The following UQCRC2 variants were observed in gnomAD, a reference collection of about 807,000 sequenced individuals.
The protein encoded by UQCRC2 is ubiquinol-cytochrome c reductase core protein 2, also known as cytochrome b-c1 complex subunit 2, mitochondrial.
Under a neutral mutation model 55.6 loss-of-function variants are expected in UQCRC2, and 49 were observed. The ratio of observed to expected loss-of-function variants is 0.88; its 90% CI spans 0.70 to 1.12. The LOEUF (loss-of-function observed/expected upper bound fraction) is 1.12. UQCRC2 is among the 50% of genes most tolerant of loss of function. The pLI is 0.00. For synonymous variants in UQCRC2, 193 were observed against 192.0 expected, an observed-to-expected ratio of 1.01 and a Z score of -0.04; for missense variants, 506 against 547.8, an observed-to-expected ratio of 0.92 and a Z score of 0.76.
intron 13 of UQCRC2, 86 bp downstream of exon 13, chr16:21,980,786 G>A (rs1346899636): frequency 2.6e-6 from 4 of 1,509,528 alleles, no homozygotes; most frequent in Non-Finnish European, 3.6e-6. Context: ...GCGTCCTTGG[G>A]CAGTGTATTA....
intron 12 of UQCRC2, among the ~76,000 whole-genome samples, chr16:21,978,196 A>G (rs555439324): frequency 2.6e-4 from 39 of 152,296 alleles, no homozygotes; most frequent in African/African-American, 9.4e-4. Context: ...AAAGAGAGAA[A>G]GTGAGGTGTC....
rs771052865 is a variant in UQCRC2 at position 21,973,987 on chromosome 16, A to C, written c.1047+11A>C. The C allele has an allele frequency of 1.6e-5, 26 of 1,594,194 alleles. No individual in the cohort carries two copies. Among genetic ancestry groups the C allele is most frequent in the Non-Finnish European group, 2.0e-5 (24 of 1,174,088 alleles). On this transcript the variant is annotated intron_variant, in intron 11 of 13. Transcript: ENST00000268379. ...ACAGCTGCTGGAGATGTAAGTTGCAAACTCACCAAACTTCTTTCATGAACA... is the reference window on the plus strand; with the variant it reads ...ACAGCTGCTGGAGATGTAAGTTGCACACTCACCAAACTTCTTTCATGAACA...
In UQCRC2 at chr16:21,972,611, A is replaced by G. The variant is rs556320008; in HGVS notation, c.966+489A>G. ...AATGAGAGGCTGGGCACAGTGGCTC[A>G]CAACTAAAATCCCAGCACTCTGAGA... On this transcript the variant is annotated intron_variant, in intron 10 of 13. Transcript: ENST00000268379. Among the ~76,000 whole-genome samples, 3 of 152,312 alleles carry G rather than the reference A, an allele frequency of 2.0e-5. No individual in the cohort carries two copies. The East Asian group carries it at 5.8e-4, about 29-fold the overall frequency.
chr16:21,955,966 C>T (rs1053562473), intron 1 of UQCRC2, among the ~76,000 whole-genome samples: 1 of 152,148 alleles, frequency 6.6e-6, no homozygotes, highest in Non-Finnish European at 1.5e-5. Flanking sequence ...GCTGGGATTA[C>T]AGGCATGCAT....
chr16:21,973,950 A>C lies in UQCRC2; in HGVS notation c.1021A>C (p.Ile341Leu). 1 of 1,611,436 alleles carries C rather than the reference A, an allele frequency of 6.2e-7. No homozygotes were observed. Among genetic ancestry groups the C allele is most frequent in the Non-Finnish European group, 8.5e-7 (1 of 1,179,300 alleles). ...SDSGLFGIYT[I>L]SQATAAGDVI... is the part of the protein sequence containing the mutation. ...TTCTGGACTCTTTGGGATTTATACT[A>C]TCTCCCAGGCCACAGCTGCTGGAGA... The change falls in exon 11 of 14, where the codon ATC becomes CTC. Residue 341 changes from isoleucine (I) to leucine (L), a missense_variant. Coordinates refer to ENST00000268379, the MANE Select transcript of UQCRC2 (RefSeq NM_003366.4).
rs779692789 is a variant in UQCRC2 at position 21,983,202 on chromosome 16, A to G, written c.*31A>G. Reference sequence around the variant, plus strand: ...ATGCACACATTACAGGAGAGAGCTGAACGTTCTCTCAGCCCAGAGCAGCAA... The same window carrying G: ...ATGCACACATTACAGGAGAGAGCTGGACGTTCTCTCAGCCCAGAGCAGCAA... On this transcript the variant is annotated 3_prime_UTR_variant, in exon 14 of 14. Transcript: ENST00000268379. 6 of 1,581,616 alleles carry G rather than the reference A, an allele frequency of 3.8e-6. No homozygotes were observed. The Admixed American group carries it at 1.0e-4, about 27-fold the overall frequency.
chr16:21,960,323 T>A (rs571818557), intron 4 of UQCRC2, among the ~76,000 whole-genome samples: 1 of 152,258 alleles, frequency 6.6e-6, no homozygotes, highest in Non-Finnish European at 1.5e-5. Flanking sequence ...TCCTTAAAGC[T>A]CATGAACTAA....
intron 2 of UQCRC2, 26 bp downstream of exon 2, chr16:21,957,344 G>A: frequency 6.2e-7 from 1 of 1,613,942 alleles, no homozygotes. Flanking sequence ...TTGCTCGCTG[G>A]AAGCTATACA....
intron 10 of UQCRC2, among the ~76,000 whole-genome samples, chr16:21,973,141 C>T (rs979339613): frequency 6.6e-6 from 1 of 152,136 alleles, no homozygotes; most frequent in Admixed American, 6.6e-5. Flanking sequence ...ATTGAAGTGC[C>T]TTCTTATGCT....
chr16:21,957,284 C>T lies in UQCRC2; in HGVS notation c.83C>T (p.Pro28Leu), dbSNP rs1203430472. The change falls in exon 2 of 14, where the codon CCT (proline) becomes CTT (leucine). Residue 28 changes from proline to leucine, a missense_variant. By Grantham distance (98) the Pro-to-Leu change is moderately conservative. Coordinates refer to ENST00000268379, the MANE Select transcript of UQCRC2 (RefSeq NM_003366.4). The stretch of plus-strand genomic sequence containing the variant: ...CCCAAAGTTAAAGCCACAGCTGCGC[C>T]TGCAGGAGCACCGCCACAACCTCAG... ...VAPKVKATAA[P>L]AGAPPQPQDL... 6.2e-7 allele frequency: 1 copy of T among 1,614,028 alleles called. No homozygotes were observed. The highest frequency in any genetic ancestry group is 8.5e-7 in the Non-Finnish European group (1 of 1,179,968).
rs751012305 is a variant in UQCRC2 at position 21,953,391 on chromosome 16, G to A, written c.-33G>A. 1.2e-5 allele frequency: 19 copies of A among 1,610,848 alleles called. No homozygotes were observed. The Admixed American group carries it at 2.2e-4, about 18-fold the overall frequency. ...CCACCATCTTGCTTTCCTTTAATCC[G>A]GCAGTGACCGTGTGTCAGAACAATC... On this transcript the variant is annotated 5_prime_UTR_variant, in exon 1 of 14. Transcript: ENST00000268379.
At chr16:21,966,974 T>G (rs1269350921) in intron 7 of UQCRC2, among the ~76,000 whole-genome samples, 1 of 152,244 alleles carries the variant, frequency 6.6e-6, no homozygotes, top group East Asian at 1.9e-4. Context: ...TGTTGTCACA[T>G]AAAGCAATTT....
intron 8 of UQCRC2, among the ~76,000 whole-genome samples, chr16:21,969,425 C>T (rs900935421): frequency 2.0e-5 from 3 of 151,970 alleles, no homozygotes; most frequent in African/African-American, 7.3e-5. Context: ...TCCCAGCTAT[C>T]GGGGGGCTGA....
At chr16:21,968,512 A>G (rs1344958119) in intron 7 of UQCRC2, 116 bp from the exon 8 acceptor site, 6 of 830,214 alleles carry the variant, frequency 7.2e-6, no homozygotes, top group Non-Finnish European at 8.9e-6. Flanking sequence ...GTAGTTCATT[A>G]CAGCAACTTA....
At chr16:21,980,361 A>G in intron 12 of UQCRC2, 186 bp from the exon 13 acceptor site, 2 of 651,354 alleles carry the variant, frequency 3.1e-6, no homozygotes, top group South Asian at 2.2e-5. Context: ...TTCCCTTCAG[A>G]CTTACTGTTT....
chr16:21,982,680 C>T (rs866204859), intron 13 of UQCRC2, among the ~76,000 whole-genome samples: 11 of 152,142 alleles, frequency 7.2e-5, no homozygotes, highest in African/African-American at 1.2e-4. Flanking sequence ...AATGTCCTAT[C>T]GAAGGCCAGG....
chr16:21,953,945 G>A (rs892787961), intron 1 of UQCRC2, among the ~76,000 whole-genome samples: 2 of 152,162 alleles, frequency 1.3e-5, no homozygotes, highest in African/African-American at 4.8e-5. Flanking sequence ...TAAATACTAT[G>A]GTGTCTTAGT....
chr16:21,975,587 T>C (rs1898564023), intron 11 of UQCRC2, among the ~76,000 whole-genome samples: 1 of 152,226 alleles, frequency 6.6e-6, no homozygotes, highest in African/African-American at 2.4e-5. Context: ...CCCGGAACTT[T>C]ATTCTTTCTT....
intron 8 of UQCRC2, among the ~76,000 whole-genome samples, chr16:21,970,020 A>G (rs1465674270): frequency 6.6e-6 from 1 of 152,042 alleles, no homozygotes; most frequent in Non-Finnish European, 1.5e-5. Context: ...CTTTGTCTCT[A>G]TAGATTTGAC....
Sources: allele counts gnomAD v4.1 joint callset (sites outside exome capture counted in the v4.1 genomes callset), GRCh38; gene constraint gnomAD v4.1.1; transcripts MANE v1.5; gene names NCBI Gene and HGNC (gene_info 2026-07-23, HGNC 2026-07-21).